Variants in GRIK2 observed in about 807,000 individuals in gnomAD.
GRIK2 encodes glutamate receptor ionotropic, kainate 2.
A neutral mutation model predicts 100.3 loss-of-function variants in GRIK2; 32 were observed. The ratio of observed to expected loss-of-function variants is 0.32; its 90% confidence interval spans 0.24 to 0.43. The LOEUF (loss-of-function observed/expected upper bound fraction) is 0.43, where lower values mean the gene tolerates loss of function less well. Among genes scored for constraint, GRIK2 ranks in the 20% least tolerant of loss-of-function variants. The pLI is 1.00. For missense variants in GRIK2, 843 were observed against 1,114.9 expected (o/e 0.76, Z 3.47); for synonymous variants, 417 against 389.4 (o/e 1.07, Z -0.83).
At chr6:101,764,242 A>G (rs1777907491) in intron 7 of GRIK2, among the ~76,000 whole-genome samples, 4 of 152,120 alleles carry the variant, frequency 2.6e-5, no homozygotes. Flanking sequence ...TTTATAACCC[A>G]GGTCCATACC....
chr6:101,396,242 T>TTCC (rs796942048), intron 1 of GRIK2, among the ~76,000 whole-genome samples: 9 of 132,340 alleles, frequency 6.8e-5, no homozygotes, highest in South Asian at 2.6e-4. Context: ...AATTTAGCAT[T>TTCC]CCCCCCCCCC....
At chr6:101,912,542 A>G (rs1235489916) in intron 12 of GRIK2, among the ~76,000 whole-genome samples, 1 of 151,578 alleles carries the variant, frequency 6.6e-6, no homozygotes, top group East Asian at 1.9e-4. Flanking sequence ...CTCTTCGTGC[A>G]CATTTAAAAG....
intron 14 of GRIK2, among the ~76,000 whole-genome samples, chr6:101,950,793 CA>C (rs1195445290): frequency 1.3e-5 from 2 of 152,066 alleles, no homozygotes; most frequent in Non-Finnish European, 2.9e-5. Flanking sequence ...CCAGGAAACA[CA>C]TTCCACTGGA....
intron 2 of GRIK2, among the ~76,000 whole-genome samples, chr6:101,538,112 A>G (rs1344283579): frequency 3.3e-5 from 5 of 151,850 alleles, no homozygotes; most frequent in Admixed American, 1.3e-4. Context: ...TTACAGTATG[A>G]TTTTGGTTTG....
intron 14 of GRIK2, among the ~76,000 whole-genome samples, chr6:101,973,880 A>G (rs2128486727): frequency 6.6e-6 from 1 of 152,058 alleles, no homozygotes; most frequent in Middle Eastern, 3.4e-3. Context: ...ACAATAACAT[A>G]TCTAAGGCTC....
At chr6:102,019,199 A>G (rs2114354897) in intron 14 of GRIK2, among the ~76,000 whole-genome samples, 1 of 152,114 alleles carries the variant, frequency 6.6e-6, no homozygotes, top group African/African-American at 2.4e-5. Flanking sequence ...TGCCATCTCA[A>G]AACTAGTCTT....
At chr6:101,657,153 C>G (rs1433184300) in intron 4 of GRIK2, among the ~76,000 whole-genome samples, 1 of 152,160 alleles carries the variant, frequency 6.6e-6, no homozygotes, top group Non-Finnish European at 1.5e-5. Context: ...GGCTTTGTGT[C>G]CTCACCCAAA....
intron 12 of GRIK2, among the ~76,000 whole-genome samples, chr6:101,906,739 G>A (rs10457942): frequency 0.093 from 14,148 of 151,606 alleles, 831 homozygotes; most frequent in Middle Eastern, 0.2. Flanking sequence ...ACAATACACC[G>A]GAGTACAACA....
chr6:101,984,427 T>C (rs1005561410), intron 14 of GRIK2, among the ~76,000 whole-genome samples: 2 of 151,648 alleles, frequency 1.3e-5, no homozygotes, highest in African/African-American at 4.8e-5. Context: ...AATCCATCTT[T>C]ATTAGCATCC....
chr6:101,632,098 G>A (rs1007852754), intron 4 of GRIK2, among the ~76,000 whole-genome samples: 1 of 152,042 alleles, frequency 6.6e-6, no homozygotes, highest in East Asian at 1.9e-4. Context: ...AAGTGCACAC[G>A]TACATGTGCA....
intron 10 of GRIK2, among the ~76,000 whole-genome samples, chr6:101,837,545 A>G (rs1279288675): frequency 6.6e-6 from 1 of 152,186 alleles, no homozygotes; most frequent in Admixed American, 6.5e-5. Flanking sequence ...TTATACCTCA[A>G]TAAAGCTGGA....
intron 11 of GRIK2, among the ~76,000 whole-genome samples, chr6:101,864,041 G>A (rs543635706): frequency 4.0e-4 from 60 of 151,244 alleles, no homozygotes; most frequent in Non-Finnish European, 7.1e-4. Context: ...GGAGGCTGAG[G>A]CAGGAGAATG....
At chr6:101,623,077 G>A (rs1174225276) in intron 3 of GRIK2, among the ~76,000 whole-genome samples, 1 of 152,002 alleles carries the variant, frequency 6.6e-6, no homozygotes, top group Non-Finnish European at 1.5e-5. Context: ...TTAAAACAAT[G>A]TTTGCCTTTC....
At chr6:101,435,358 A>G (rs1422732979) in intron 2 of GRIK2, among the ~76,000 whole-genome samples, 1 of 150,986 alleles carries the variant, frequency 6.6e-6, no homozygotes, top group East Asian at 2.0e-4. Context: ...AATTCTCCCA[A>G]TTAACTACAT....
At chr6:101,992,101 A>G (rs553648644) in intron 14 of GRIK2, among the ~76,000 whole-genome samples, 3 of 151,680 alleles carry the variant, frequency 2.0e-5, no homozygotes. Context: ...GTATTTGTGC[A>G]GGCATCCTTG....
At chr6:101,779,706 T>G (rs1263054597) in intron 7 of GRIK2, among the ~76,000 whole-genome samples, 1 of 152,154 alleles carries the variant, frequency 6.6e-6, no homozygotes, top group Non-Finnish European at 1.5e-5. Flanking sequence ...AATTTGAGCT[T>G]CTTTCTGCTG....
In GRIK2 at chr6:101,556,321, A is replaced by ATTTTTTTTT. The variant is rs10528480; in HGVS notation, c.116-65605_116-65597dup. On this transcript the variant is annotated intron_variant, in intron 2 of 16. Transcript: ENST00000369134. Reference sequence around the variant, plus strand: ...AATTGCACTATGTAATATATTGGTAATTTTTTTTTTTTTTTTTTTTTTTTT... The same window carrying ATTTTTTTTT: ...AATTGCACTATGTAATATATTGGTAATTTTTTTTTTTTTTTTTTTTTTTTTTTTTTTTTT... 2.1e-3 allele frequency among the ~76,000 whole-genome samples: 125 copies of ATTTTTTTTT among 59,390 alleles called. 18 individuals carry two copies. The highest frequency in any genetic ancestry group is 4.5e-3 in the African/African-American group (81 of 17,916). The allele number at this position is 59,390 out of a possible 152,430, so 39.0% of individuals were successfully genotyped here. A position where few individuals can be genotyped will look rare whatever the true frequency, so the allele number is the denominator to read the frequency against.
chr6:101,913,548 AG>A (rs1788896661), intron 12 of GRIK2, among the ~76,000 whole-genome samples: 1 of 151,620 alleles, frequency 6.6e-6, no homozygotes, highest in Non-Finnish European at 1.5e-5. Context: ...AAGTGAATTA[AG>A]GCTTTAACAT....
intron 14 of GRIK2, among the ~76,000 whole-genome samples, chr6:101,974,662 G>A (rs769331397): frequency 1.3e-5 from 2 of 151,918 alleles, no homozygotes; most frequent in Admixed American, 6.6e-5. Context: ...CTGATTGGTC[G>A]AAGCTCATCC....
Sources: allele counts gnomAD v4.1 joint callset (sites outside exome capture counted in the v4.1 genomes callset), GRCh38; gene constraint gnomAD v4.1.1; transcripts MANE v1.5; gene names NCBI Gene and HGNC (gene_info 2026-07-23, HGNC 2026-07-21).